Variants in ZNF426 observed in about 807,000 individuals in gnomAD.
ZNF426 encodes the protein CTC-543D15.7.
In ZNF426, 23 loss-of-function variants were observed where a neutral mutation model predicts 24.0. The ratio of observed to expected loss-of-function variants is 0.96; its 90% confidence interval spans 0.69 to 1.36. The LOEUF is 1.36. Among genes scored for constraint, ZNF426 ranks in the 40% most tolerant of loss-of-function variants. The probability of loss-of-function intolerance (pLI) is 0.00; values close to 1 mark genes in which losing one functional copy is unlikely to be tolerated. For missense variants in ZNF426, 646 were observed against 658.4 expected, an observed-to-expected ratio of 0.98 and a Z score of 0.21; for synonymous variants, 272 against 224.6, an observed-to-expected ratio of 1.21 and a Z score of -1.89.
At chr19:9,535,465 A>T (rs1285025863) in intron 3 of ZNF426, among the ~76,000 whole-genome samples, 186 bp from the exon 4 acceptor site, 1 of 152,064 alleles carries the variant, frequency 6.6e-6, no homozygotes, top group African/African-American at 2.4e-5. Flanking sequence ...AGGTGGAAGG[A>T]TTACTTTAGG....
intron 7 of ZNF426, among the ~76,000 whole-genome samples, chr19:9,530,122 A>AAAT (rs60239218): frequency 0.036 from 5,519 of 151,652 alleles, 238 homozygotes; most frequent in African/African-American, 0.11. Flanking sequence ...CTCCGTCTCA[A>AAAT]AATAATAATA....
intron 5 of ZNF426, 91 bp downstream of exon 5, chr19:9,533,749 C>T: frequency 6.5e-7 from 1 of 1,538,082 alleles, no homozygotes; most frequent in Non-Finnish European, 8.9e-7. Context: ...TTTCTCTTTG[C>T]ATTCAGAGTT....
At chr19:9,536,577 T>C (rs1011926155) in intron 2 of ZNF426, 1 of 306,452 alleles carries the variant, frequency 3.3e-6, no homozygotes, top group African/African-American at 2.2e-5. Context: ...CAAAAAAAAA[T>C]GAAGTGGTAA....
chr19:9,536,175 A>C, intron 3 of ZNF426, 33 bp downstream of exon 3: 1 of 1,614,134 alleles, frequency 6.2e-7, no homozygotes, highest in Non-Finnish European at 8.5e-7. Context: ...GGAACCTAGA[A>C]CAGGATATCC....
intron 5 of ZNF426, 37 bp from the exon 6 acceptor site, chr19:9,532,962 TA>T (rs1472745125): frequency 6.6e-7 from 1 of 1,520,762 alleles, no homozygotes; most frequent in African/African-American, 1.4e-5. Context: ...AAGAGGCTCA[TA>T]AAAAAGATTA....
intron 3 of ZNF426, 43 bp downstream of exon 3, chr19:9,536,165 G>A (rs1410636557): frequency 1.9e-6 from 3 of 1,613,810 alleles, no homozygotes; most frequent in Admixed American, 1.7e-5. Context: ...TTGTGTAAAG[G>A]GAACCTAGAA....
At chr19:9,532,278 C>CT (rs1020434068) in intron 6 of ZNF426, among the ~76,000 whole-genome samples, 4,898 of 117,404 alleles carry the variant, frequency 0.042, 387 homozygotes, top group African/African-American at 0.13. Context: ...TTCTTTTTTT[C>CT]TTTTTTTTTT....
chr19:9,531,588 G>A (rs970077505), intron 6 of ZNF426, among the ~76,000 whole-genome samples: 12 of 152,088 alleles, frequency 7.9e-5, no homozygotes, highest in East Asian at 1.9e-4. Flanking sequence ...AAAACTTTTC[G>A]ATCGTTTATT....
intron 6 of ZNF426, among the ~76,000 whole-genome samples, chr19:9,532,073 G>A (rs1326937850): frequency 1.3e-5 from 2 of 152,046 alleles, no homozygotes; most frequent in African/African-American, 4.8e-5. Context: ...GGCTAGTTCT[G>A]AACCCTGTAC....
rs147411406 is a variant in ZNF426 at position 9,531,800 on chromosome 19, C to T, written c.326-733G>A. Among the ~76,000 whole-genome samples, 17 of 152,204 alleles carry T rather than the reference C, an allele frequency of 1.1e-4. No individual in the cohort carries two copies. In the East Asian group the frequency reaches 2.1e-3, roughly 19 times the overall value. On this transcript the variant is annotated intron_variant, in intron 6 of 7. Transcript: ENST00000253115. ...GATATTGAGATTATCCTGGCTAACA[C>T]GGTGAAACCCCGTCTCTACTAAAGA...
At chr19:9,530,048 G>C (rs1323930359) in intron 7 of ZNF426, among the ~76,000 whole-genome samples, 1 of 152,138 alleles carries the variant, frequency 6.6e-6, no homozygotes, top group African/African-American at 2.4e-5. Flanking sequence ...TTGAACCTGG[G>C]AGGCGGAGGT....
rs1005250972 is a variant in ZNF426 at position 9,536,233 on chromosome 19, C to T, written c.-1G>A. On this transcript the variant is annotated 5_prime_UTR_variant, in exon 3 of 8. Coordinates refer to ENST00000253115, the MANE Select transcript of ZNF426 (RefSeq NM_024106.3). ...CATGGGACAAATCAGCAGCTGCCAT[C>T]CCGCGAGGTGAGAACGTGTCAGAAC... 5 of 1,614,048 alleles carry T rather than the reference C, an allele frequency of 3.1e-6. No homozygotes were observed. Among genetic ancestry groups the T allele is most frequent in the Admixed American group, 1.7e-5 (1 of 60,000 alleles).
intron 1 of ZNF426, 65 bp from the exon 2 acceptor site, chr19:9,538,410 C>T (rs1290278728): frequency 1.3e-5 from 2 of 152,164 alleles, no homozygotes; most frequent in Non-Finnish European, 2.9e-5. Flanking sequence ...CAGATGAAAA[C>T]ACCCTGCGGA....
chr19:9,530,505 G>T (rs2073867148), intron 7 of ZNF426, among the ~76,000 whole-genome samples: 1 of 151,456 alleles, frequency 6.6e-6, no homozygotes, highest in Non-Finnish European at 1.5e-5. Context: ...GCTCATGCCT[G>T]TACTCCCAGC....
Position 9,526,385 on chromosome 19 carries a change from C to G in ZNF426, c.*1995G>C, listed in dbSNP as rs1181092811. 6.6e-6 allele frequency: 1 copy of G among 151,894 alleles called. No homozygotes were observed. Among genetic ancestry groups the G allele is most frequent in the East Asian group, 1.9e-4 (1 of 5,192 alleles). The allele number at this position is 151,894 out of a possible 1,614,324, so 9.4% of individuals were successfully genotyped here. On this transcript the variant is annotated 3_prime_UTR_variant, in exon 8 of 8. Transcript: ENST00000253115. The stretch of plus-strand genomic sequence containing the variant: ...CATGGGTTCTACTGGATAAAGCAGA[C>G]AGCATCCAAGAACAGACAGGCAGTG...
intron 7 of ZNF426, 25 bp downstream of exon 7, chr19:9,530,960 A>G: frequency 6.3e-7 from 1 of 1,578,874 alleles, no homozygotes; most frequent in Non-Finnish European, 8.7e-7. Context: ...GGTGGAAAAT[A>G]AAAAATATCC....
chr19:9,533,667 A>G (rs1230572164), intron 5 of ZNF426, among the ~76,000 whole-genome samples, 173 bp downstream of exon 5: 1 of 152,194 alleles, frequency 6.6e-6, no homozygotes, highest in Admixed American at 6.5e-5. Flanking sequence ...GTTGCTATTA[A>G]TCTTGGACCA....
chr19:9,533,041 A>G, intron 5 of ZNF426, 116 bp from the exon 6 acceptor site: 1 of 837,648 alleles, frequency 1.2e-6, no homozygotes, highest in South Asian at 1.6e-5. Flanking sequence ...AAAGGGCGAA[A>G]AATGCAAATA....
intron 2 of ZNF426, among the ~76,000 whole-genome samples, chr19:9,537,998 G>C (rs377483362): frequency 6.6e-6 from 1 of 152,118 alleles, no homozygotes; most frequent in Non-Finnish European, 1.5e-5. Context: ...TACAGGCCTA[G>C]GAACTCCATT....
Sources: gnomAD v4.1 joint callset for allele counts (sites outside exome capture counted in the v4.1 genomes callset) on GRCh38, gnomAD v4.1.1 for gene constraint, MANE v1.5 for transcripts, NCBI Gene and HGNC (gene_info 2026-07-23, HGNC 2026-07-21) for gene names.